The following NFATC2 variants were observed in gnomAD, a reference collection of about 807,000 sequenced individuals.
NFATC2 encodes the protein nuclear factor of activated T cells 2, also known as nuclear factor of activated T-cells, cytoplasmic 2.
Under a neutral mutation model 87.3 loss-of-function variants are expected in NFATC2, and 22 were observed. That is an observed-to-expected ratio of 0.25 (90% confidence interval 0.18 to 0.36). The LOEUF (loss-of-function observed/expected upper bound fraction) is 0.36. NFATC2 is among the 10% of genes least tolerant of loss of function. NFATC2 has a pLI of 1.00. For synonymous variants in NFATC2, 565 were observed against 542.2 expected, an observed-to-expected ratio of 1.04 and a Z score of -0.58; for missense variants, 1,149 against 1,259.1, an observed-to-expected ratio of 0.91 and a Z score of 1.32.
rs143078355 is a variant in NFATC2, at chr20:51,395,177, CTAT to C, written c.*44+3463_*44+3465del. The stretch of plus-strand genomic sequence containing the variant: ...GCCAGGCCCTATACAGTGCCAGGGA[CTAT>C]TATTTAATTCTCACACTGCTCCTAG... On this transcript the variant is annotated intron_variant, in intron 10 of 10. Transcript: ENST00000371564. Among the ~76,000 whole-genome samples, 1,502 of 152,296 alleles carry C rather than the reference CTAT, an allele frequency of 9.9e-3. 31 individuals are homozygous for C. The highest frequency in any genetic ancestry group is 0.035 in the African/African-American group (1,456 of 41,552).
Position 51,516,855 on chromosome 20 carries a change from G to A in NFATC2, c.1261C>T (p.Arg421Trp), listed in dbSNP as rs2076358617. ...CTGCCTTCTGTCTCATAGTGGGCCC[G>A]GTGATGTGGCTTGGGCTGCACCTCG... ...RIEVQPKPHHRAHYETEGSRG... is the reference protein window; with the variant it reads ...RIEVQPKPHHWAHYETEGSRG... The change falls in exon 3 of 11, where the codon CGG (arginine) becomes TGG (tryptophan). Residue 421 changes from arginine (R) to tryptophan (W), a missense_variant. Transcript: ENST00000371564. 2.5e-6 allele frequency: 4 copies of A among 1,614,060 alleles called. No individual in the cohort carries two copies. Among genetic ancestry groups the A allele is most frequent in the Admixed American group, 1.7e-5 (1 of 59,996 alleles).
intron 5 of NFATC2, among the ~76,000 whole-genome samples, chr20:51,463,934 G>A (rs1450203039): frequency 6.6e-6 from 1 of 152,104 alleles, no homozygotes; most frequent in African/African-American, 2.4e-5. Flanking sequence ...GGGCCGGGTA[G>A]GTAACTATTT....
chr20:51,391,668 C>T (rs1281660031), intron 10 of NFATC2, among the ~76,000 whole-genome samples: 2 of 151,928 alleles, frequency 1.3e-5, no homozygotes, highest in Non-Finnish European at 2.9e-5. Flanking sequence ...GTGCACGCCA[C>T]CACACCTGAC....
rs781068511 is a variant in NFATC2 at position 51,432,483 on chromosome 20, G to A, written c.2306C>T (p.Ala769Val). 1.3e-6 allele frequency: 2 copies of A among 1,553,360 alleles called. No homozygotes were observed. Among genetic ancestry groups the A allele is most frequent in the Non-Finnish European group, 1.7e-6 (2 of 1,149,890 alleles). ...AAGGGACAGCGGGGCGGCCATGAGG[G>A]CCGGCTGCTGATAGCCCAGCAGGCT... ...SPSLLGYQQP[A>V]LMAAPLSLAD... The change falls in exon 9 of 11, where the codon GCC becomes GTC. Residue 769 changes from alanine to valine, a missense_variant. By Grantham distance (64) the Ala-to-Val change is moderately conservative (BLOSUM62 0). Coordinates refer to ENST00000371564, the MANE Select transcript of NFATC2 (RefSeq NM_012340.5). The surrounding 1 kb of genome is among the most constrained non-coding windows in gnomAD (Gnocchi z 4.6).
intron 8 of NFATC2, 90 bp downstream of exon 8, chr20:51,435,098 T>A: frequency 3.3e-6 from 5 of 1,524,894 alleles, no homozygotes; most frequent in Non-Finnish European, 4.4e-6. Flanking sequence ...CTGTCCAAAG[T>A]TACCCGGCTA....
intron 2 of NFATC2, among the ~76,000 whole-genome samples, chr20:51,520,064 A>G (rs2076419157): frequency 6.6e-6 from 1 of 152,182 alleles, no homozygotes; most frequent in Admixed American, 6.5e-5. Flanking sequence ...TCTCAACTTT[A>G]TAGAAGATTC....
chr20:51,469,608 G>C (rs1239192877), intron 5 of NFATC2, among the ~76,000 whole-genome samples: 1 of 152,078 alleles, frequency 6.6e-6, no homozygotes, highest in African/African-American at 2.4e-5. Context: ...ATATAATTAA[G>C]GTAAGAATGG....
At chr20:51,453,019 C>T (rs1192624304) in intron 6 of NFATC2, 1 of 154,800 alleles carries the variant, frequency 6.5e-6, no homozygotes. Context: ...CCCATCAAAC[C>T]TCAGTGACAT....
chr20:51,389,671 C>T lies in NFATC2; in HGVS notation c.*1825G>A, dbSNP rs1269263435. 3 of 152,012 alleles carry T rather than the reference C, an allele frequency of 2.0e-5. No homozygotes were observed. Among genetic ancestry groups the T allele is most frequent in the Non-Finnish European group, 2.9e-5 (2 of 68,010 alleles). The allele number at this position is 152,012 out of a possible 1,614,324, so 9.4% of individuals were successfully genotyped here. A position where few individuals can be genotyped will look rare whatever the true frequency, so the allele number is the denominator to read the frequency against. ...GGAAAAATAAATGCTAGGTATCGACCGACAGGTTGCATACAAGTGCACAGG... is the reference window on the plus strand; with the variant it reads ...GGAAAAATAAATGCTAGGTATCGACTGACAGGTTGCATACAAGTGCACAGG... On this transcript the variant is annotated 3_prime_UTR_variant, in exon 11 of 11. Transcript: ENST00000371564.
chr20:51,430,546 A>AC (rs1982551881), intron 9 of NFATC2, among the ~76,000 whole-genome samples: 1 of 152,226 alleles, frequency 6.6e-6, no homozygotes, highest in African/African-American at 2.4e-5. Context: ...CCTAGAGGTC[A>AC]GCCTTGTAAG....
At chr20:51,398,916 A>G in intron 9 of NFATC2, 186 bp from the exon 10 acceptor site, 2 of 582,284 alleles carry the variant, frequency 3.4e-6, no homozygotes, top group Non-Finnish European at 6.1e-6. Flanking sequence ...CACTAGGGTA[A>G]TAATCATGGA....
At chr20:51,400,805 T>C (rs1032538884) in intron 9 of NFATC2, among the ~76,000 whole-genome samples, 1 of 151,912 alleles carries the variant, frequency 6.6e-6, no homozygotes, top group African/African-American at 2.4e-5. Context: ...GTCAAGTTAG[T>C]AAGGCAGAGA....
chr20:51,488,694 C>T lies in NFATC2; in HGVS notation c.1333-13034G>A, dbSNP rs139862382. On this transcript the variant is annotated intron_variant, in intron 3 of 10. Transcript: ENST00000371564. Reference sequence around the variant, plus strand: ...ACACCCCAGATCCTCCCACTTTTCACGTTCTCATCAACCTCCCTGGGTCCC... The same window carrying T: ...ACACCCCAGATCCTCCCACTTTTCATGTTCTCATCAACCTCCCTGGGTCCC... Among the ~76,000 whole-genome samples, 404 of 152,312 alleles carry T rather than the reference C, an allele frequency of 2.7e-3. 3 individuals are homozygous for T. The highest frequency in any genetic ancestry group is 1.0e-2 in the South Asian group (48 of 4,824).
rs1011913986 is a variant in NFATC2, at chr20:51,542,541, G to A, written c.-42C>T. The A allele has an allele frequency of 4.5e-6, 6 of 1,345,662 alleles. No individual in the cohort carries two copies. The highest frequency in any genetic ancestry group is 5.7e-6 in the Non-Finnish European group (6 of 1,050,320). The allele number at this position is 1,345,662 out of a possible 1,614,324, so 83.4% of individuals were successfully genotyped here. ...AGGCTGCGGGGCCGGGGGCGAGGGC[G>A]GGCGCGGCTGGCTCTGGGACCCCTC... On this transcript the variant is annotated 5_prime_UTR_variant, in exon 1 of 11. Coordinates refer to ENST00000371564, the MANE Select transcript of NFATC2 (RefSeq NM_012340.5).
Position 51,472,833 on chromosome 20 carries a change from C to G in NFATC2, c.1708+1147G>C, listed in dbSNP as rs147075701. Among the ~76,000 whole-genome samples, 587 of 152,114 alleles carry G rather than the reference C, an allele frequency of 3.9e-3. 6 individuals carry two copies. The highest frequency in any genetic ancestry group is 0.013 in the African/African-American group (547 of 41,488). ...TATTTTTAGTAGAGATGGGGTTTCA[C>G]CATGTTGGCCAGGCTGATCTTGAAC... On this transcript the variant is annotated intron_variant, in intron 5 of 10. Coordinates refer to ENST00000371564, the MANE Select transcript of NFATC2 (RefSeq NM_012340.5).
chr20:51,419,582 G>A (rs1394427131), intron 9 of NFATC2, among the ~76,000 whole-genome samples: 3 of 152,130 alleles, frequency 2.0e-5, no homozygotes, highest in African/African-American at 4.8e-5. Context: ...TGTTACAAGA[G>A]GAAGAAATCA....
At position 51,483,343 on chromosome 20, in the gene NFATC2, T is replaced by C. The variant is rs1989425964; in HGVS notation, c.1333-7683A>G. On this transcript the variant is annotated intron_variant, in intron 3 of 10. Coordinates refer to ENST00000371564, the MANE Select transcript of NFATC2 (RefSeq NM_012340.5). ...TTTTACTAAAATAAAACATTAACGA[T>C]GTTAAGTAGCATTTTGTTGAATTTG... Among the ~76,000 whole-genome samples, 4 of 58,660 alleles carry C rather than the reference T, an allele frequency of 6.8e-5. No homozygotes were observed. The South Asian group carries it at 2.8e-3, about 42-fold the overall frequency. The allele number at this position is 58,660 out of a possible 152,430, so 38.5% of individuals were successfully genotyped here.
chr20:51,476,774 G>C (rs1988755378), intron 3 of NFATC2, among the ~76,000 whole-genome samples: 1 of 152,150 alleles, frequency 6.6e-6, no homozygotes, highest in Non-Finnish European at 1.5e-5. Context: ...TATTTGAACA[G>C]GAAATTCAGA....
chr20:51,430,898 A>G (rs982895706), intron 9 of NFATC2, among the ~76,000 whole-genome samples: 1 of 152,192 alleles, frequency 6.6e-6, no homozygotes, highest in African/African-American at 2.4e-5. Context: ...GTTTCAGGGT[A>G]TATCAGACGC....
Sources: allele counts gnomAD v4.1 joint callset (sites outside exome capture counted in the v4.1 genomes callset), GRCh38; gene constraint gnomAD v4.1.1; non-coding constraint Gnocchi (gnomAD v3.1); transcripts MANE v1.5; gene names NCBI Gene and HGNC (gene_info 2026-07-23, HGNC 2026-07-21).